BLTP1: variants seen among roughly 807,000 people sequenced by gnomAD.
The protein encoded by BLTP1 is fragile site-associated protein.
the BLTP1 span, chr4:122,250,391 A>G: frequency 6.2e-7 from 1 of 1,612,390 alleles, no homozygotes. Flanking sequence ...TGTTTTATAT[A>G]ACAGTTTTGG....
the BLTP1 span, among the ~76,000 whole-genome samples, chr4:122,215,896 C>A: frequency 6.6e-6 from 1 of 151,606 alleles, no homozygotes; most frequent in Non-Finnish European, 1.5e-5. Flanking sequence ...GCCTTTGTGA[C>A]CTCATAGCTT....
At chr4:122,271,432 T>C in the BLTP1 span, 3 of 1,613,600 alleles carry the variant, frequency 1.9e-6, no homozygotes, top group Admixed American at 5.0e-5. Context: ...ATAGAGTAAA[T>C]AATGCAAAGA....
At chr4:122,221,339 AACTT>A in the BLTP1 span, among the ~76,000 whole-genome samples, 2 of 152,112 alleles carry the variant, frequency 1.3e-5, no homozygotes, top group African/African-American at 2.4e-5. Context: ...TATTAGCTAA[AACTT>A]AATATGTGCT....
the BLTP1 span, chr4:122,244,642 G>A: frequency 1.3e-5 from 13 of 982,936 alleles, no homozygotes; most frequent in South Asian, 4.7e-5. Context: ...AAAGGGGTTC[G>A]GTGGAAACGA....
the BLTP1 span, chr4:122,282,199 C>A: frequency 2.4e-6 from 1 of 410,764 alleles, no homozygotes; most frequent in Non-Finnish European, 3.3e-6. Flanking sequence ...TATATCCTAT[C>A]TCAAAATTCC....
chr4:122,160,911 G>C, the BLTP1 span, among the ~76,000 whole-genome samples: 5 of 152,298 alleles, frequency 3.3e-5, no homozygotes, highest in Non-Finnish European at 7.4e-5. Flanking sequence ...CATATGCGCA[G>C]AGACCAGTTA....
At chr4:122,169,389 G>T in the BLTP1 span, among the ~76,000 whole-genome samples, 1 of 152,052 alleles carries the variant, frequency 6.6e-6, no homozygotes, top group South Asian at 2.1e-4. Flanking sequence ...GAAAAAATTT[G>T]CTGTTTTTGT....
At chr4:122,316,319 T>A in the BLTP1 span, 8 of 433,804 alleles carry the variant, frequency 1.8e-5, no homozygotes, top group African/African-American at 4.1e-5. Flanking sequence ...GAAATTTTTT[T>A]AAATTTAATA....
chr4:122,223,682 A>G, the BLTP1 span, among the ~76,000 whole-genome samples: 1 of 152,214 alleles, frequency 6.6e-6, no homozygotes, highest in Non-Finnish European at 1.5e-5. Context: ...GATTACTCAT[A>G]GAGTATGGAG....
the BLTP1 span, chr4:122,208,637 C>G: frequency 1.6e-5 from 16 of 984,294 alleles, no homozygotes; most frequent in Non-Finnish European, 1.4e-5. Context: ...ATTCTTTTCA[C>G]TGTTTGGAAA....
chr4:122,197,008 C>T, the BLTP1 span: 1 of 180,174 alleles, frequency 5.6e-6, no homozygotes, highest in Non-Finnish European at 1.1e-5. Context: ...TATTCTGGCT[C>T]ATTTTCTCCT....
chr4:122,275,900 A>T, the BLTP1 span: 1 of 1,408,246 alleles, frequency 7.1e-7, no homozygotes. Flanking sequence ...GTCATATTGT[A>T]ACTAATTTGT....
chr4:122,212,917 T>A, the BLTP1 span, among the ~76,000 whole-genome samples: 62 of 152,198 alleles, frequency 4.1e-4, no homozygotes, highest in Non-Finnish European at 1.5e-5. Flanking sequence ...AAATTTTAAA[T>A]TTTGACATGT....
chr4:122,160,548 A>AT, the BLTP1 span, among the ~76,000 whole-genome samples: 1 of 152,248 alleles, frequency 6.6e-6, no homozygotes, highest in South Asian at 2.1e-4. Flanking sequence ...CTTTATCTGT[A>AT]TAGCATCATA....
chr4:122,278,245 A>T, the BLTP1 span, among the ~76,000 whole-genome samples: 1 of 151,248 alleles, frequency 6.6e-6, no homozygotes, highest in Non-Finnish European at 1.5e-5. Flanking sequence ...CAGTGATACC[A>T]GCCATTTATT....
the BLTP1 span, among the ~76,000 whole-genome samples, chr4:122,284,335 T>C: frequency 1.5e-4 from 23 of 152,312 alleles, no homozygotes; most frequent in African/African-American, 5.1e-4. Context: ...TCTGATTTTC[T>C]TAAAGGAATC....
chr4:122,352,838 C>T, the BLTP1 span: 6 of 1,562,318 alleles, frequency 3.8e-6, no homozygotes, highest in East Asian at 1.4e-4. Context: ...CTTGCTGCCT[C>T]ACTCTACCCT....
chr4:122,220,343 C>T, the BLTP1 span: 1 of 1,613,074 alleles, frequency 6.2e-7, no homozygotes, highest in Non-Finnish European at 8.5e-7. Flanking sequence ...CATGGAACTA[C>T]TGATGGTCCT....
chr4:122,206,268 C>CATGCTTGT, the BLTP1 span: 1 of 173,514 alleles, frequency 5.8e-6, no homozygotes, highest in Non-Finnish European at 1.1e-5. Context: ...ATTGTTCAGC[C>CATGCTTGT]ATGCTTGTAG....
Sources: gnomAD v4.1 joint callset for allele counts (sites outside exome capture counted in the v4.1 genomes callset) on GRCh38, gnomAD v4.1.1 for gene constraint, MANE v1.5 for transcripts, NCBI Gene and HGNC (gene_info 2026-07-23, HGNC 2026-07-21) for gene names.